Variants in MYRIP observed in about 807,000 individuals in gnomAD.
MYRIP encodes the protein myosin VIIA and Rab interacting protein.
A neutral mutation model predicts 98.0 loss-of-function variants in MYRIP; 49 were observed. The ratio of observed to expected loss-of-function variants is 0.50; its 90% CI spans 0.40 to 0.63. MYRIP has a LOEUF of 0.63. MYRIP is among the 30% of genes least tolerant of loss of function. MYRIP has a pLI of 0.00. For synonymous variants in MYRIP, 404 were observed against 409.5 expected, an observed-to-expected ratio of 0.99 and a Z score of 0.16; for missense variants, 1,004 against 1,058.2, an observed-to-expected ratio of 0.95 and a Z score of 0.71.
In MYRIP at chr3:40,212,205, CGTGTGTGTATATATATATAT is replaced by C. The variant is rs1559456732; in HGVS notation, c.1905+2113_1905+2132del. On this transcript the variant is annotated intron_variant, in intron 11 of 16. Coordinates refer to ENST00000302541, the MANE Select transcript of MYRIP (RefSeq NM_015460.4). ...GTGTATGTGTATATACATATATATA[CGTGTGTGTATATATATATAT>C]ACACACACACACACACACACATATA... Among the ~76,000 whole-genome samples the C allele has an allele frequency of 8.3e-4, 31 of 37,480 alleles. 6 individuals are homozygous for C. The highest frequency in any genetic ancestry group is 1.2e-3 in the African/African-American group (19 of 15,494). 24.6% of individuals were successfully genotyped at this position (37,480 alleles called of 152,430 possible). A position where few individuals can be genotyped will look rare whatever the true frequency, so the allele number is the denominator to read the frequency against.
At chr3:40,159,376 A>C (rs142525714) in intron 4 of MYRIP, among the ~76,000 whole-genome samples, 68 of 152,296 alleles carry the variant, frequency 4.5e-4, no homozygotes, top group African/African-American at 1.6e-3. Flanking sequence ...TGTTAGTCTG[A>C]TGGGCTTCCC....
chr3:40,252,009 ATC>A lies in MYRIP; in HGVS notation c.2547+14_2547+15del. The A allele has an allele frequency of 1.3e-6, 2 of 1,575,198 alleles. No individual in the cohort carries two copies. Among genetic ancestry groups the A allele is most frequent in the Non-Finnish European group, 1.7e-6 (2 of 1,144,738 alleles). On this transcript the variant is annotated intron_variant, in intron 16 of 16. Transcript: ENST00000302541. ...CACCAAGGATTTGATGGTAAATGTCATCTCTGTCTTAATGTTCAACGCTTTCA... is the reference window on the plus strand; with the variant it reads ...CACCAAGGATTTGATGGTAAATGTCATCTGTCTTAATGTTCAACGCTTTCA...
chr3:40,162,995 A>T (rs542207745), intron 5 of MYRIP, 185 bp downstream of exon 5: 30 of 528,874 alleles, frequency 5.7e-5, no homozygotes, highest in African/African-American at 5.1e-4. Flanking sequence ...AAAATAGGTG[A>T]GTATATCCAA....
chr3:39,972,035 C>G (rs1249931080), intron 2 of MYRIP, among the ~76,000 whole-genome samples: 1 of 152,044 alleles, frequency 6.6e-6, no homozygotes, highest in Non-Finnish European at 1.5e-5. Flanking sequence ...CTTTGCTATT[C>G]CTAAGCATTA....
rs541014903 is a variant in MYRIP at position 39,988,152 on chromosome 3, G to A, written c.111-55898G>A. ...AGGAAGGGGAACATCACACTCTGGG[G>A]ACTGTTGTGGGGTGGGGGAAGGGGG... is the stretch of plus-strand genomic sequence containing the variant. On this transcript the variant is annotated intron_variant, in intron 2 of 16. Transcript: ENST00000302541. Among the ~76,000 whole-genome samples, 105 of 152,184 alleles carry A rather than the reference G, an allele frequency of 6.9e-4. 2 individuals are homozygous for A. In the South Asian group the frequency reaches 0.021, roughly 31 times the overall value.
At chr3:39,912,920 A>G (rs1944058470) in intron 2 of MYRIP, among the ~76,000 whole-genome samples, 1 of 152,174 alleles carries the variant, frequency 6.6e-6, no homozygotes, top group South Asian at 2.1e-4. Context: ...TGCACCTGTG[A>G]TTCCAGCTAC....
At chr3:39,854,032 G>A (rs1345978830) in intron 1 of MYRIP, among the ~76,000 whole-genome samples, 1 of 151,944 alleles carries the variant, frequency 6.6e-6, no homozygotes, top group African/African-American at 2.4e-5. Context: ...CTTTGTTTTT[G>A]TTTGCTTTGT....
At chr3:40,257,225 A>G (rs185327944) in intron 16 of MYRIP, among the ~76,000 whole-genome samples, 3 of 152,238 alleles carry the variant, frequency 2.0e-5, no homozygotes, top group African/African-American at 7.2e-5. Context: ...TGGAGAGGCT[A>G]AGGCGGGGAT....
intron 2 of MYRIP, among the ~76,000 whole-genome samples, chr3:39,937,186 T>G (rs1944672280): frequency 6.6e-6 from 1 of 152,218 alleles, no homozygotes. Context: ...CCTGCCTTCC[T>G]ATAGGCAGGA....
intron 16 of MYRIP, among the ~76,000 whole-genome samples, chr3:40,256,668 C>T (rs897786988): frequency 7.3e-5 from 11 of 151,696 alleles, no homozygotes; most frequent in Non-Finnish European, 1.2e-4. Flanking sequence ...AAATCAGAAT[C>T]AAATCAGAAA....
chr3:40,006,645 C>T (rs951366259), intron 2 of MYRIP, among the ~76,000 whole-genome samples: 1 of 152,190 alleles, frequency 6.6e-6, no homozygotes, highest in African/African-American at 2.4e-5. Flanking sequence ...TGAGCACCTT[C>T]TCTTCCTGGG....
At chr3:39,902,789 G>A (rs1441771502) in intron 2 of MYRIP, among the ~76,000 whole-genome samples, 6 of 152,208 alleles carry the variant, frequency 3.9e-5, no homozygotes, top group South Asian at 2.1e-4. Context: ...CCATGTGGAA[G>A]AGCAGCTTTA....
intron 2 of MYRIP, among the ~76,000 whole-genome samples, chr3:39,986,499 C>A (rs1946036074): frequency 6.6e-6 from 1 of 151,742 alleles, no homozygotes; most frequent in African/African-American, 2.4e-5. Context: ...TCCCTAAGAG[C>A]ATAAGGTGTG....
At chr3:40,216,826 A>G (rs966743294) in intron 11 of MYRIP, among the ~76,000 whole-genome samples, 1 of 152,212 alleles carries the variant, frequency 6.6e-6, no homozygotes, top group Non-Finnish European at 1.5e-5. Flanking sequence ...CTCATTTTAA[A>G]TATCAAAAAC....
intron 1 of MYRIP, among the ~76,000 whole-genome samples, chr3:39,822,049 C>G (rs1235535437): frequency 6.6e-6 from 1 of 152,000 alleles, no homozygotes; most frequent in African/African-American, 2.4e-5. Flanking sequence ...CTTGTGCTTT[C>G]CTTTTGTTTT....
chr3:39,863,984 G>T (rs927065525), intron 1 of MYRIP, among the ~76,000 whole-genome samples: 5 of 152,092 alleles, frequency 3.3e-5, no homozygotes, highest in African/African-American at 4.8e-5. Context: ...GGGACGCAAG[G>T]TTGTCTCAAC....
At chr3:40,233,708 T>G in intron 11 of MYRIP, 151 bp from the exon 12 acceptor site, 3 of 732,372 alleles carry the variant, frequency 4.1e-6, no homozygotes, top group Non-Finnish European at 6.5e-6. Context: ...GTGTCTAGTT[T>G]AATTTTCTCA....
chr3:39,956,941 A>C (rs550846063), intron 2 of MYRIP, among the ~76,000 whole-genome samples: 1 of 151,952 alleles, frequency 6.6e-6, no homozygotes, highest in South Asian at 2.1e-4. Flanking sequence ...GAAATGGATA[A>C]ATTCCTGGAC....
chr3:39,862,148 C>T (rs911667779), intron 1 of MYRIP, among the ~76,000 whole-genome samples: 1 of 152,158 alleles, frequency 6.6e-6, no homozygotes, highest in African/African-American at 2.4e-5. Flanking sequence ...GACATTTCAG[C>T]AGAAACTCTT....
Sources: gnomAD v4.1 joint callset for allele counts (sites outside exome capture counted in the v4.1 genomes callset) on GRCh38, gnomAD v4.1.1 for gene constraint, MANE v1.5 for transcripts, NCBI Gene and HGNC (gene_info 2026-07-23, HGNC 2026-07-21) for gene names.